The following PSG7 variants were observed in gnomAD, a reference collection of about 807,000 sequenced individuals.
PSG7 encodes pregnancy specific beta-1-glycoprotein 7, also known as pregnancy-specific beta-1-glycoprotein 7.
A neutral mutation model predicts 45.6 loss-of-function variants in PSG7; 57 were observed. The observed-to-expected ratio is 1.25, with a 90% CI of 1.01 to 1.56. PSG7 has a LOEUF of 1.56. PSG7 is among the 40% of genes most tolerant of loss of function. PSG7 has a pLI of 0.00. For missense variants in PSG7, 796 were observed against 508.4 expected (o/e 1.57, Z -5.44); for synonymous variants, 298 against 194.4 (o/e 1.53, Z -4.43).
chr19:42,925,814 G>C lies in PSG7; in HGVS notation c.1202C>G (p.Thr401Ser). 6.2e-7 allele frequency: 1 copy of C among 1,612,086 alleles called. No individual in the cohort carries two copies. The highest frequency in any genetic ancestry group is 8.5e-7 in the Non-Finnish European group (1 of 1,179,022). The change falls in exon 5 of 6, where the codon ACT (threonine) becomes AGT (serine). Residue 401 changes from threonine to serine, a missense_variant. Coordinates refer to ENST00000406070, the MANE Select transcript of PSG7 (RefSeq NM_002783.3). Reference protein sequence around the residue: ...LYACSVRNSATGKESSKSVTV... With the variant: ...LYACSVRNSASGKESSKSVTV... ...CACGGATTTGGAGCTTTCCTTGCCA[G>C]TGGCTGAGTTACGAACAGAGCAAGC...
rs761791179 is a variant in PSG7 at position 42,929,446 on chromosome 19, G to A, written c.705C>T (p.Leu235=). ...AGAGGAACAGAAGATACTCACGGAGGAGATTCAGGGTGACTGGGTCACTGC... is the reference window on the plus strand; with the variant it reads ...AGAGGAACAGAAGATACTCACGGAGAAGATTCAGGGTGACTGGGTCACTGC... ...ASRSDPVTLN[L]LPKLPKPYIT... is the part of the protein sequence containing the mutation. The change falls in exon 3 of 6, where the codon CTC becomes CTT. Residue 235 remains leucine (L), a synonymous_variant. Coordinates refer to ENST00000406070, the MANE Select transcript of PSG7 (RefSeq NM_002783.3). The A allele has an allele frequency of 6.2e-7, 1 of 1,612,388 alleles. No individual in the cohort carries two copies. Among genetic ancestry groups the A allele is most frequent in the Non-Finnish European group, 8.5e-7 (1 of 1,179,066 alleles).
Position 42,926,630 on chromosome 19 carries a change from T to C in PSG7, c.796A>G (p.Ser266Gly), listed in dbSNP as rs1972898073. Residue 266 changes from serine to glycine, a missense_variant, in exon 4 of 6, where the codon AGT becomes GGT. Transcript: ENST00000406070. ...CACCAAATGTAGGTGTAGTTCTCAC[T>C]CTTAGGTTCACAGGTGAAGGTTGAG... ...DVSTFTCEPKSENYTYIWWLN... is the reference protein window; with the variant it reads ...DVSTFTCEPKGENYTYIWWLN... The C allele has an allele frequency of 6.2e-7, 1 of 1,610,230 alleles. No individual in the cohort carries two copies. Among genetic ancestry groups the C allele is most frequent in the Admixed American group, 1.7e-5 (1 of 59,880 alleles).
Position 42,929,645 on chromosome 19 carries a change from C to G in PSG7, c.506G>C (p.Cys169Ser), listed in dbSNP as rs1600566624. Residue 169 changes from cysteine to serine, a missense_variant, in exon 3 of 6, where the codon TGT becomes TCT. Cys to Ser is a moderately radical substitution (Grantham distance 112). Coordinates refer to ENST00000406070, the MANE Select transcript of PSG7 (RefSeq NM_002783.3). ...REATEAVILT[C>S]DPETPDASYL... ...GCTTGCATCTGGAGTCTCAGGATCA[C>G]AGGTTAAAATCACAGCCTCCGTGGC... 1 of 1,612,406 alleles carries G rather than the reference C, an allele frequency of 6.2e-7. No homozygotes were observed. Among genetic ancestry groups the G allele is most frequent in the Admixed American group, 1.7e-5 (1 of 59,884 alleles).
chr19:42,936,687 A>T (rs574241547), intron 1 of PSG7, among the ~76,000 whole-genome samples: 2 of 149,936 alleles, frequency 1.3e-5, no homozygotes, highest in East Asian at 3.9e-4. Context: ...TCATACTGTC[A>T]CCCAGGCTGG....
intron 2 of PSG7, among the ~76,000 whole-genome samples, chr19:42,931,897 C>A (rs547512799): frequency 5.9e-5 from 9 of 151,442 alleles, no homozygotes; most frequent in African/African-American, 2.2e-4. Context: ...CTTTTTTTCC[C>A]CCACTCTTTT....
chr19:42,925,564 C>T, intron 5 of PSG7: 2 of 1,278,434 alleles, frequency 1.6e-6, no homozygotes, highest in South Asian at 3.3e-5. Context: ...CCTGCTTGGT[C>T]TAGGCTGGGA....
chr19:42,925,135 A>T, intron 5 of PSG7: 1 of 422,636 alleles, frequency 2.4e-6, no homozygotes, highest in Non-Finnish European at 4.2e-6. Flanking sequence ...AGGAAGCCAA[A>T]CCAAGGCTGA....
rs1186981440 is a variant in PSG7 at position 42,926,622 on chromosome 19, G to A, written c.804C>T (p.Asn268=). 3.1e-6 allele frequency: 5 copies of A among 1,610,302 alleles called. No homozygotes were observed. Among genetic ancestry groups the A allele is most frequent in the Admixed American group, 1.7e-5 (1 of 59,890 alleles). Residue 268 remains asparagine, a synonymous_variant, in exon 4 of 6, where the codon AAC becomes AAT. Coordinates refer to ENST00000406070, the MANE Select transcript of PSG7 (RefSeq NM_002783.3). ...STFTCEPKSE[N]YTYIWWLNGQ... ...CATTTAGCCACCAAATGTAGGTGTAGTTCTCACTCTTAGGTTCACAGGTGA... is the reference window on the plus strand; with the variant it reads ...CATTTAGCCACCAAATGTAGGTGTAATTCTCACTCTTAGGTTCACAGGTGA...
At chr19:42,930,518 T>A (rs1171759132) in intron 2 of PSG7, among the ~76,000 whole-genome samples, 2 of 151,702 alleles carry the variant, frequency 1.3e-5, no homozygotes, top group East Asian at 1.9e-4. Context: ...TAGAAATACA[T>A]GTTGATGTTT....
chr19:42,936,112 C>G (rs1465931293), intron 1 of PSG7: 2 of 268,666 alleles, frequency 7.4e-6, no homozygotes, highest in African/African-American at 4.3e-5. Context: ...ATCAGGGCAT[C>G]CTTAGACTTC....
chr19:42,935,905 C>G (rs774031849), intron 1 of PSG7, 136 bp from the exon 2 acceptor site: 2 of 1,221,308 alleles, frequency 1.6e-6, no homozygotes, highest in Non-Finnish European at 2.3e-6. Context: ...CACACACACA[C>G]ACACACACAA....
At chr19:42,925,144 G>A (rs1469250855) in intron 5 of PSG7, 3 of 412,616 alleles carry the variant, frequency 7.3e-6, no homozygotes, top group Non-Finnish European at 1.3e-5. Context: ...AACCAAGGCT[G>A]ACTTCAGAGT....
intron 2 of PSG7, among the ~76,000 whole-genome samples, chr19:42,930,385 C>T (rs1972994322): frequency 6.6e-6 from 1 of 151,670 alleles, no homozygotes; most frequent in African/African-American, 2.4e-5. Flanking sequence ...AAGGAATGAC[C>T]TACAAAGAGT....
rs756053160 is a variant in PSG7 at position 42,929,464 on chromosome 19, G to A, written c.687C>T (p.Asp229=). ...IRNPVSASRS[D]PVTLNLLPKL... is the part of the protein sequence containing the mutation. The stretch of plus-strand genomic sequence containing the variant: ...CACGGAGGAGATTCAGGGTGACTGG[G>A]TCACTGCGGCTGGCACTCACTGGGT... Residue 229 remains aspartate, a synonymous_variant, in exon 3 of 6, where the codon GAC becomes GAT. Coordinates refer to ENST00000406070, the MANE Select transcript of PSG7 (RefSeq NM_002783.3). 8 of 1,612,476 alleles carry A rather than the reference G, an allele frequency of 5.0e-6. 1 individual carries two copies. In the South Asian group the frequency reaches 8.8e-5, roughly 18 times the overall value.
Position 42,929,805 on chromosome 19 carries a change from A to C in PSG7, c.431-85T>G, listed in dbSNP as rs57452423. 185 of 1,525,568 alleles carry C rather than the reference A, an allele frequency of 1.2e-4. 4 individuals are homozygous for C. The African/African-American group carries it at 1.3e-3, about 11-fold the overall frequency. 94.5% of individuals were successfully genotyped at this position (1,525,568 alleles called of 1,614,324 possible). A position where few individuals can be genotyped will look rare whatever the true frequency, so the allele number is the denominator to read the frequency against. On this transcript the variant is annotated intron_variant, in intron 2 of 5. Coordinates refer to ENST00000406070, the MANE Select transcript of PSG7 (RefSeq NM_002783.3). ...TTTTTCAATCAGAGTTGGCATTTCC[A>C]ACCTCTCAGCCCACCCAAGTCCTTA...
intron 2 of PSG7, among the ~76,000 whole-genome samples, chr19:42,933,307 A>ATATATATATATTT (rs56691588): frequency 5.2e-4 from 7 of 13,500 alleles, no homozygotes; most frequent in Non-Finnish European, 8.1e-4. Flanking sequence ...ATATATATAT[A>ATATATATATATTT]TTTTTTTTTT....
In PSG7 at chr19:42,934,950, A is replaced by G. The variant is rs544898325; in HGVS notation, c.430+454T>C. Reference sequence around the variant, plus strand: ...CCCAGTAAGCCCTGCCCAAGAAACCATAACCCAGTCCTGGCACAGGCTCCT... The same window carrying G: ...CCCAGTAAGCCCTGCCCAAGAAACCGTAACCCAGTCCTGGCACAGGCTCCT... On this transcript the variant is annotated intron_variant, in intron 2 of 5. Transcript: ENST00000406070. Among the ~76,000 whole-genome samples the G allele has an allele frequency of 2.0e-5, 3 of 151,748 alleles. No homozygotes were observed. In the East Asian group the frequency reaches 5.8e-4, roughly 29 times the overall value.
chr19:42,936,698 C>T (rs1973159026), intron 1 of PSG7, among the ~76,000 whole-genome samples: 1 of 151,084 alleles, frequency 6.6e-6, no homozygotes, highest in African/African-American at 2.4e-5. Flanking sequence ...CCCAGGCTGG[C>T]ATGCAGTGGT....
At chr19:42,931,757 C>G (rs1225640375) in intron 2 of PSG7, among the ~76,000 whole-genome samples, 1 of 151,478 alleles carries the variant, frequency 6.6e-6, no homozygotes, top group Non-Finnish European at 1.5e-5. Flanking sequence ...CCACCTCGAT[C>G]TGGTCCCCAA....
Sources: gnomAD v4.1 joint callset for allele counts (sites outside exome capture counted in the v4.1 genomes callset) on GRCh38, gnomAD v4.1.1 for gene constraint, MANE v1.5 for transcripts, NCBI Gene and HGNC (gene_info 2026-07-23, HGNC 2026-07-21) for gene names.